Variants in FBXO25 observed in about 807,000 individuals in gnomAD.
FBXO25 encodes F-box only protein 25.
In FBXO25, 45 loss-of-function variants were observed where a neutral mutation model predicts 51.9. The ratio of observed to expected loss-of-function variants is 0.87; its 90% CI spans 0.68 to 1.11. The LOEUF (loss-of-function observed/expected upper bound fraction) is 1.11, where lower values mean the gene tolerates loss of function less well. Ranked by LOEUF, FBXO25 falls within the 50% of genes most tolerant of loss-of-function variation. FBXO25 has a pLI of 0.00. For synonymous variants in FBXO25, 199 were observed against 151.0 expected, an observed-to-expected ratio of 1.32 and a Z score of -2.33; for missense variants, 507 against 428.5, an observed-to-expected ratio of 1.18 and a Z score of -1.62.
chr8:465,997 ATC>A (rs1483125743), intron 9 of FBXO25, among the ~76,000 whole-genome samples: 2 of 152,132 alleles, frequency 1.3e-5, no homozygotes, highest in Non-Finnish European at 2.9e-5. Flanking sequence ...ACAGCTGCCC[ATC>A]TCTTAGTTCT....
At chr8:449,767 A>G (rs1344297497) in intron 5 of FBXO25, among the ~76,000 whole-genome samples, 3 of 152,212 alleles carry the variant, frequency 2.0e-5, no homozygotes, top group African/African-American at 7.2e-5. Context: ...GCAAGACTAG[A>G]AGACAGAGCT....
chr8:450,169 C>T lies in FBXO25; in HGVS notation c.475+86C>T, dbSNP rs187097378. 1.8e-4 allele frequency: 158 copies of T among 887,760 alleles called. 1 individual carries two copies. Among genetic ancestry groups the T allele is most frequent in the Non-Finnish European group, 1.8e-6 (1 of 559,790 alleles). The allele number at this position is 887,760 out of a possible 1,614,324, so 55.0% of individuals were successfully genotyped here. A position where few individuals can be genotyped will look rare whatever the true frequency, so the allele number is the denominator to read the frequency against. ...ATGGGATTTTTCTTTTATCTTTACC[C>T]AGTACACATACTGTCAAAAACAATT... On this transcript the variant is annotated intron_variant, in intron 6 of 9. Transcript: ENST00000350302.
chr8:428,982 A>G (rs1451318318), intron 2 of FBXO25, among the ~76,000 whole-genome samples: 2 of 152,234 alleles, frequency 1.3e-5, no homozygotes, highest in Non-Finnish European at 1.5e-5. Context: ...ATCTGTTGCA[A>G]GTAATACTGC....
Position 412,935 on chromosome 8 carries a change from A to G in FBXO25, c.-7-138A>G, listed in dbSNP as rs868319445. The stretch of plus-strand genomic sequence containing the variant: ...TACTGTGTTATTGTCACTGTCACCA[A>G]TGTCGAGCCAACGTTTAATTAATGA... On this transcript the variant is annotated intron_variant, in intron 1 of 9. Coordinates refer to ENST00000350302, the MANE Select transcript of FBXO25 (RefSeq NM_183420.2). 49 of 840,138 alleles carry G rather than the reference A, an allele frequency of 5.8e-5. No individual in the cohort carries two copies. The African/African-American group carries it at 7.3e-4, about 13-fold the overall frequency. 52.0% of individuals were successfully genotyped at this position (840,138 alleles called of 1,614,324 possible). A position where few individuals can be genotyped will look rare whatever the true frequency, so the allele number is the denominator to read the frequency against.
At chr8:416,295 C>T (rs1405519609) in intron 2 of FBXO25, among the ~76,000 whole-genome samples, 2 of 152,328 alleles carry the variant, frequency 1.3e-5, no homozygotes, top group African/African-American at 4.8e-5. Context: ...ACTCCTTCCC[C>T]ATCTTTTCAA....
intron 1 of FBXO25, among the ~76,000 whole-genome samples, chr8:412,333 T>C: frequency 6.6e-6 from 1 of 152,166 alleles, no homozygotes; most frequent in East Asian, 1.9e-4. Context: ...CAGACAGTCT[T>C]CAAGTACTGT....
At chr8:407,246 G>A (rs1204899109) in intron 1 of FBXO25, 180 bp downstream of exon 1, 4 of 649,044 alleles carry the variant, frequency 6.2e-6, no homozygotes, top group Non-Finnish European at 7.6e-6. Context: ...GTCAGGTGGG[G>A]ACGGGGCCTG....
At chr8:453,538 T>A (rs1238448624) in intron 7 of FBXO25, among the ~76,000 whole-genome samples, 1 of 152,162 alleles carries the variant, frequency 6.6e-6, no homozygotes, top group African/African-American at 2.4e-5. Flanking sequence ...CATTTGTAGA[T>A]GCCGGACTCA....
chr8:439,677 G>C (rs2116638771), intron 5 of FBXO25, among the ~76,000 whole-genome samples: 1 of 152,272 alleles, frequency 6.6e-6, no homozygotes, highest in East Asian at 1.9e-4. Context: ...GCATTGCTCT[G>C]CCCCTCCAAG....
intron 8 of FBXO25, among the ~76,000 whole-genome samples, chr8:462,370 T>C (rs1030461239): frequency 1.4e-4 from 21 of 152,358 alleles, no homozygotes; most frequent in African/African-American, 3.8e-4. Context: ...TCTTTATCTA[T>C]TCTAGATATA....
At chr8:419,725 G>T (rs1585012808) in intron 2 of FBXO25, among the ~76,000 whole-genome samples, 1 of 152,168 alleles carries the variant, frequency 6.6e-6, no homozygotes. Flanking sequence ...GAAACCCAAA[G>T]GAAAGTCTGC....
chr8:458,983 C>T (rs1223027971), intron 8 of FBXO25, among the ~76,000 whole-genome samples: 6 of 152,128 alleles, frequency 3.9e-5, no homozygotes, highest in Non-Finnish European at 7.4e-5. Context: ...GTCCACAGCC[C>T]CTCCCCCCTG....
intron 1 of FBXO25, among the ~76,000 whole-genome samples, chr8:411,770 G>C (rs1304498699): frequency 6.6e-6 from 1 of 152,222 alleles, no homozygotes; most frequent in African/African-American, 2.4e-5. Context: ...GGCAGCAGAA[G>C]GGCGCTGTTT....
At chr8:459,496 G>C (rs778662453) in intron 8 of FBXO25, among the ~76,000 whole-genome samples, 1 of 152,210 alleles carries the variant, frequency 6.6e-6, no homozygotes, top group East Asian at 1.9e-4. Context: ...ACATGGAATT[G>C]CAGCTTTCAG....
At chr8:407,915 C>G (rs1380579709) in intron 1 of FBXO25, among the ~76,000 whole-genome samples, 9 of 152,196 alleles carry the variant, frequency 5.9e-5, no homozygotes, top group Non-Finnish European at 1.2e-4. Context: ...CCTATTCAAA[C>G]TCATTTTGAA....
In FBXO25 at chr8:458,491, G is replaced by A; in HGVS notation, c.783G>A (p.Met261Ile). The A allele has an allele frequency of 1.9e-6, 3 of 1,614,156 alleles. No individual in the cohort carries two copies. Among genetic ancestry groups the A allele is most frequent in the Non-Finnish European group, 2.5e-6 (3 of 1,180,020 alleles). ...TLGQVTPTLY[M>I]LSEDRQLWKK... is the part of the protein sequence containing the mutation. ...GCCAGGTGACCCCCACGTTGTATAT[G>A]CTTAGTGAAGACAGACAGCTGTGGA... is the stretch of plus-strand genomic sequence containing the variant. Residue 261 changes from methionine (M) to isoleucine (I), a missense_variant, in exon 8 of 10, where the codon ATG (methionine) becomes ATA (isoleucine). Transcript: ENST00000350302.
intron 2 of FBXO25, among the ~76,000 whole-genome samples, chr8:414,728 C>A (rs901367235): frequency 1.3e-5 from 2 of 152,192 alleles, no homozygotes; most frequent in African/African-American, 4.8e-5. Flanking sequence ...CCCCTTTGAA[C>A]CAATGGCTGC....
At chr8:427,068 GC>G (rs199878583) in intron 2 of FBXO25, among the ~76,000 whole-genome samples, 7,198 of 151,816 alleles carry the variant, frequency 0.047, 162 homozygotes, top group African/African-American at 0.099. Flanking sequence ...GTAAACATTT[GC>G]CTACCAGGAG....
intron 7 of FBXO25, among the ~76,000 whole-genome samples, chr8:454,889 T>TAAAAAAAA (rs1376673139): frequency 4.3e-5 from 2 of 46,594 alleles, no homozygotes; most frequent in Non-Finnish European, 7.9e-5. Context: ...AGACTCCATC[T>TAAAAAAAA]CAAAAAAAGA....
Sources: allele counts gnomAD v4.1 joint callset (sites outside exome capture counted in the v4.1 genomes callset), GRCh38; gene constraint gnomAD v4.1.1; transcripts MANE v1.5; gene names NCBI Gene and HGNC (gene_info 2026-07-23, HGNC 2026-07-21).